Variants in FXN observed in about 807,000 individuals in gnomAD.
The protein encoded by FXN is frataxin.
Under a neutral mutation model 22.4 loss-of-function variants are expected in FXN, and 14 were observed. That is an observed-to-expected ratio of 0.62 (90% CI 0.41 to 0.98). FXN has a LOEUF of 0.98. FXN is among the 50% of genes least tolerant of loss of function. FXN has a pLI of 0.00. For missense variants in FXN, 267 were observed against 268.4 expected (o/e 0.99, Z 0.04); for synonymous variants, 120 against 114.1 (o/e 1.05, Z -0.33).
chr9:69,037,284 A>AAAAAAAAAAAAGAAG (rs544093183), intron 1 of FXN, among the ~76,000 whole-genome samples: 2 of 78,058 alleles, frequency 2.6e-5, no homozygotes, highest in Non-Finnish European at 2.5e-5. Flanking sequence ...AAAAAAAAAA[A>AAAAAAAAAAAAGAAG]AAGAAGAAGA....
At position 69,035,848 on chromosome 9, in the gene FXN, G is replaced by A; in HGVS notation, c.66G>A (p.Gln22=). The change falls in exon 1 of 5, where the codon CAG becomes CAA. Residue 22 remains glutamine (Q), a synonymous_variant. Coordinates refer to ENST00000484259, the MANE Select transcript of FXN (RefSeq NM_000144.5). ...LLASPSPAQA[Q]TLTRVPRPAE... ...CGTCACCCAGCCCAGCCCAGGCCCA[G>A]ACCCTCACCCGGGTCCCGCGGCCGG... The A allele has an allele frequency of 6.6e-7, 1 of 1,505,258 alleles. No homozygotes were observed. Among genetic ancestry groups the A allele is most frequent in the Non-Finnish European group, 8.8e-7 (1 of 1,133,970 alleles). 93.2% of individuals were successfully genotyped at this position (1,505,258 alleles called of 1,614,324 possible). A position where few individuals can be genotyped will look rare whatever the true frequency, so the allele number is the denominator to read the frequency against.
intron 4 of FXN, among the ~76,000 whole-genome samples, chr9:69,069,329 C>A (rs554135158): frequency 6.6e-6 from 1 of 152,248 alleles, no homozygotes; most frequent in South Asian, 2.1e-4. Context: ...CGTGCCACAG[C>A]ACTCCATCCT....
chr9:69,073,858 A>G lies in FXN; in HGVS notation c.*1096A>G, dbSNP rs999321881. The G allele has an allele frequency of 2.7e-5, 27 of 985,282 alleles. No individual in the cohort carries two copies. The highest frequency in any genetic ancestry group is 4.7e-5 in the South Asian group (1 of 21,286). The allele number at this position is 985,282 out of a possible 1,614,324, so 61.0% of individuals were successfully genotyped here. ...GAAACATTGTTATTGGTGTTGCCCTATCGTGATTTCAGTTGAATTCATGTG... is the reference window on the plus strand; with the variant it reads ...GAAACATTGTTATTGGTGTTGCCCTGTCGTGATTTCAGTTGAATTCATGTG... On this transcript the variant is annotated 3_prime_UTR_variant, in exon 5 of 5. Coordinates refer to ENST00000484259, the MANE Select transcript of FXN (RefSeq NM_000144.5).
At chr9:69,068,260 C>A (rs1024774150) in intron 4 of FXN, among the ~76,000 whole-genome samples, 3 of 152,178 alleles carry the variant, frequency 2.0e-5, no homozygotes, top group Non-Finnish European at 2.9e-5. Flanking sequence ...TGCTAAGGGG[C>A]TACTATGAGC....
At chr9:69,041,114 A>T (rs1831650034) in intron 1 of FXN, among the ~76,000 whole-genome samples, 1 of 152,204 alleles carries the variant, frequency 6.6e-6, no homozygotes, top group South Asian at 2.1e-4. Flanking sequence ...GTTCCTCTGG[A>T]GGCCCTTGTC....
chr9:69,078,144 G>A lies in FXN; in HGVS notation c.*5382G>A, dbSNP rs1832404241. On this transcript the variant is annotated 3_prime_UTR_variant, in exon 5 of 5. Coordinates refer to ENST00000484259, the MANE Select transcript of FXN (RefSeq NM_000144.5). ...GCTCAAAAGTAATAGAAACAGATGA[G>A]TTTGGAGTCAGGATTTCTCTGTAAG... is the stretch of plus-strand genomic sequence containing the variant. 1 of 985,380 alleles carries A rather than the reference G, an allele frequency of 1.0e-6. No homozygotes were observed. The highest frequency in any genetic ancestry group is 1.2e-6 in the Non-Finnish European group (1 of 829,908). The allele number at this position is 985,380 out of a possible 1,614,324, so 61.0% of individuals were successfully genotyped here.
chr9:69,052,286 T>C, intron 2 of FXN, among the ~76,000 whole-genome samples: 1 of 151,992 alleles, frequency 6.6e-6, no homozygotes, highest in Non-Finnish European at 1.5e-5. Flanking sequence ...CCCAAGTAGC[T>C]GGGAACTACA....
intron 3 of FXN, among the ~76,000 whole-genome samples, chr9:69,057,790 A>G (rs1188391732): frequency 6.6e-6 from 1 of 152,064 alleles, no homozygotes; most frequent in Non-Finnish European, 1.5e-5. Flanking sequence ...CTCCAAGCAG[A>G]CACGGTCCTT....
intron 3 of FXN, among the ~76,000 whole-genome samples, chr9:69,061,209 GTTGCATGTGCACCCCCTGAT>G (rs1832066047): frequency 6.6e-6 from 1 of 152,234 alleles, no homozygotes; most frequent in Admixed American, 6.5e-5. Flanking sequence ...GGCTTCAGTG[GTTGCATGTGCACCCCCTGAT>G]TTGCTGTATG....
chr9:69,040,561 G>A (rs978691744), intron 1 of FXN, among the ~76,000 whole-genome samples: 2 of 152,002 alleles, frequency 1.3e-5, no homozygotes, highest in African/African-American at 2.4e-5. Context: ...CCCACTACTC[G>A]GGACGCTGAG....
chr9:69,074,207 A>G lies in FXN; in HGVS notation c.*1445A>G, dbSNP rs1312921905. Reference sequence around the variant, plus strand: ...TCAAAATAATAATAACAATATAATAATAATAATAGCCATCCTTTATTGTAC... The same window carrying G: ...TCAAAATAATAATAACAATATAATAGTAATAATAGCCATCCTTTATTGTAC... On this transcript the variant is annotated 3_prime_UTR_variant, in exon 5 of 5. Coordinates refer to ENST00000484259, the MANE Select transcript of FXN (RefSeq NM_000144.5). 1.1e-6 allele frequency: 1 copy of G among 919,022 alleles called. No individual in the cohort carries two copies. Among genetic ancestry groups the G allele is most frequent in the East Asian group, 1.2e-4 (1 of 8,488 alleles). 56.9% of individuals were successfully genotyped at this position (919,022 alleles called of 1,614,324 possible).
At position 69,060,296 on chromosome 9, in the gene FXN, G is replaced by A. The variant is rs193039039; in HGVS notation, c.385-4642G>A. ...TGAGGCAGGAGAATGGCGTGAACCC[G>A]GGAGGCAGAGCTTGCAGTGAACCAA... is the stretch of plus-strand genomic sequence containing the variant. On this transcript the variant is annotated intron_variant, in intron 3 of 4. Coordinates refer to ENST00000484259, the MANE Select transcript of FXN (RefSeq NM_000144.5). Among the ~76,000 whole-genome samples the A allele has an allele frequency of 1.1e-3, 174 of 152,054 alleles. 1 individual carries two copies. Among genetic ancestry groups the A allele is most frequent in the African/African-American group, 4.1e-3 (169 of 41,484 alleles).
intron 1 of FXN, among the ~76,000 whole-genome samples, chr9:69,039,774 G>A (rs1831623775): frequency 6.6e-6 from 1 of 152,116 alleles, no homozygotes; most frequent in Non-Finnish European, 1.5e-5. Flanking sequence ...ATTTTCTGTT[G>A]CTTGTGACAG....
chr9:69,067,129 G>C (rs1337937696), intron 4 of FXN, among the ~76,000 whole-genome samples: 1 of 152,258 alleles, frequency 6.6e-6, no homozygotes, highest in Non-Finnish European at 1.5e-5. Flanking sequence ...GCTCCCAGCG[G>C]GGGATGGAGG....
In FXN at chr9:69,075,709, T is replaced by C. The variant is rs1832353447; in HGVS notation, c.*2947T>C. The stretch of plus-strand genomic sequence containing the variant: ...CTGGAGGAGGTGAGGAATTGCATAA[T>C]ACAATCTTAGAAAACTTTTTTTTCC... On this transcript the variant is annotated 3_prime_UTR_variant, in exon 5 of 5. Transcript: ENST00000484259. The C allele has an allele frequency of 1.0e-6, 1 of 985,172 alleles. No homozygotes were observed. The highest frequency in any genetic ancestry group is 1.2e-6 in the Non-Finnish European group (1 of 829,828). 61.0% of individuals were successfully genotyped at this position (985,172 alleles called of 1,614,324 possible). A position where few individuals can be genotyped will look rare whatever the true frequency, so the allele number is the denominator to read the frequency against.
rs780445803 is a variant in FXN, at chr9:69,076,441, G to A, written c.*3679G>A. 9.3e-5 allele frequency: 92 copies of A among 985,174 alleles called. No homozygotes were observed. Among genetic ancestry groups the A allele is most frequent in the Non-Finnish European group, 1.1e-4 (90 of 829,906 alleles). 61.0% of individuals were successfully genotyped at this position (985,174 alleles called of 1,614,324 possible). A position where few individuals can be genotyped will look rare whatever the true frequency, so the allele number is the denominator to read the frequency against. Reference sequence around the variant, plus strand: ...CAAAATACTCAGTTTACTTAACTTCGTATTAGATTCTGATTCCCTGGAACC... The same window carrying A: ...CAAAATACTCAGTTTACTTAACTTCATATTAGATTCTGATTCCCTGGAACC... On this transcript the variant is annotated 3_prime_UTR_variant, in exon 5 of 5. Coordinates refer to ENST00000484259, the MANE Select transcript of FXN (RefSeq NM_000144.5).
chr9:69,036,384 T>TTGTG (rs1250199485), intron 1 of FXN, among the ~76,000 whole-genome samples: 1 of 152,266 alleles, frequency 6.6e-6, no homozygotes. Context: ...AGCGTGTGTG[T>TTGTG]TGTGTGTGTG....
At chr9:69,058,246 T>TG (rs949997105) in intron 3 of FXN, among the ~76,000 whole-genome samples, 1 of 152,120 alleles carries the variant, frequency 6.6e-6, no homozygotes, top group Non-Finnish European at 1.5e-5. Context: ...CACCCCTTAC[T>TG]GGCACTGGTC....
At chr9:69,036,610 A>G (rs1831555501) in intron 1 of FXN, among the ~76,000 whole-genome samples, 1 of 152,176 alleles carries the variant, frequency 6.6e-6, no homozygotes, top group Admixed American at 6.5e-5. Context: ...CCTCTCTGAG[A>G]CGTGGCTTTG....
Sources: gnomAD v4.1 joint callset for allele counts (sites outside exome capture counted in the v4.1 genomes callset) on GRCh38, gnomAD v4.1.1 for gene constraint, MANE v1.5 for transcripts, NCBI Gene and HGNC (gene_info 2026-07-23, HGNC 2026-07-21) for gene names.